PCDHA13: variants seen among roughly 807,000 people sequenced by gnomAD.
PCDHA13 encodes the protein protocadherin alpha-13.
A neutral mutation model predicts 64.8 loss-of-function variants in PCDHA13; 54 were observed. The ratio of observed to expected loss-of-function variants is 0.83; its 90% CI spans 0.67 to 1.04. PCDHA13 has a LOEUF of 1.04. Ranked by LOEUF, PCDHA13 falls within the 50% of genes least tolerant of loss-of-function variation. The pLI is 0.00. For missense variants in PCDHA13, 1,248 were observed against 1,254.3 expected (o/e 0.99, Z 0.08); for synonymous variants, 587 against 564.4 (o/e 1.04, Z -0.57).
At chr5:140,953,530 C>T (rs923959885) in intron 1 of PCDHA13, among the ~76,000 whole-genome samples, 3 of 152,158 alleles carry the variant, frequency 2.0e-5, no homozygotes, top group Admixed American at 6.5e-5. Context: ...ACGGGAAACT[C>T]ACTTCATGCT....
intron 1 of PCDHA13, chr5:140,968,523 A>G (rs1441549667): frequency 8.1e-6 from 13 of 1,613,762 alleles, no homozygotes; most frequent in African/African-American, 1.3e-5. Flanking sequence ...ACCTCAACCA[A>G]CTCGTCAGCA....
chr5:140,923,275 CA>C (rs1328074482), intron 1 of PCDHA13, among the ~76,000 whole-genome samples: 2 of 152,128 alleles, frequency 1.3e-5, no homozygotes, highest in Admixed American at 1.3e-4. Context: ...CTTGTCTCTA[CA>C]AAAAATTAAA....
At position 141,010,449 on chromosome 5, in the gene PCDHA13, C is replaced by T. The variant is rs764975082; in HGVS notation, c.*512C>T. ...CAAGAAAACAAAGACAAATAAACAG[C>T]GGAAGTTATCAGTATGGAGGGGAAG... On this transcript the variant is annotated 3_prime_UTR_variant, in exon 4 of 4. Coordinates refer to ENST00000289272, the MANE Select transcript of PCDHA13 (RefSeq NM_018904.3). 14 of 915,348 alleles carry T rather than the reference C, an allele frequency of 1.5e-5. No homozygotes were observed. Among genetic ancestry groups the T allele is most frequent in the Non-Finnish European group, 2.1e-5 (13 of 631,774 alleles). 56.7% of individuals were successfully genotyped at this position (915,348 alleles called of 1,614,324 possible).
intron 1 of PCDHA13, among the ~76,000 whole-genome samples, chr5:140,957,690 T>G (rs2095375856): frequency 6.6e-6 from 1 of 152,060 alleles, no homozygotes; most frequent in South Asian, 2.1e-4. Context: ...ATCTAGACAA[T>G]GAACATTATG....
chr5:140,928,510 A>T (rs782757628), intron 1 of PCDHA13: 1 of 1,614,166 alleles, frequency 6.2e-7, no homozygotes, highest in Non-Finnish European at 8.5e-7. Context: ...TGCAACAGTG[A>T]CTATAAACTT....
At chr5:140,976,992 A>G (rs1421149242) in intron 1 of PCDHA13, among the ~76,000 whole-genome samples, 3 of 152,200 alleles carry the variant, frequency 2.0e-5, no homozygotes, top group Admixed American at 2.0e-4. Context: ...TTACTGCCAT[A>G]AGAAATCTTG....
intron 3 of PCDHA13, among the ~76,000 whole-genome samples, chr5:140,993,462 T>TCTCA (rs1235362335): frequency 6.4e-5 from 9 of 140,938 alleles, no homozygotes; most frequent in African/African-American, 2.1e-4. Context: ...TCTTTCTTTC[T>TCTCA]CACACACACA....
In PCDHA13 at chr5:140,978,014, A is replaced by C. The variant is rs939579655; in HGVS notation, c.2395-935A>C. ...AGTGTCACAAGTTTTTCACAGTGAC[A>C]TTTTTGCTTACTGATACAAGACAGT... On this transcript the variant is annotated intron_variant, in intron 1 of 3. Transcript: ENST00000289272. Among the ~76,000 whole-genome samples, 9 of 152,256 alleles carry C rather than the reference A, an allele frequency of 5.9e-5. 1 individual carries two copies. The highest frequency in any genetic ancestry group is 2.2e-4 in the African/African-American group (9 of 41,540).
At chr5:141,008,382 A>G (rs1458485740) in intron 3 of PCDHA13, among the ~76,000 whole-genome samples, 1 of 152,166 alleles carries the variant, frequency 6.6e-6, no homozygotes, top group African/African-American at 2.4e-5. Flanking sequence ...ATACATAAAC[A>G]TTGCTATGAT....
intron 1 of PCDHA13, among the ~76,000 whole-genome samples, chr5:140,960,366 ACT>A (rs2095543381): frequency 6.6e-6 from 1 of 152,188 alleles, no homozygotes; most frequent in Non-Finnish European, 1.5e-5. Flanking sequence ...TAATATGCCA[ACT>A]CTTAAGTGCC....
chr5:141,001,324 C>G (rs1455380423), intron 3 of PCDHA13, among the ~76,000 whole-genome samples: 2 of 152,154 alleles, frequency 1.3e-5, no homozygotes, highest in Non-Finnish European at 1.5e-5. Flanking sequence ...TGCCAAACAT[C>G]ACCATAATTT....
chr5:140,977,541 G>A (rs1164108305), intron 1 of PCDHA13, among the ~76,000 whole-genome samples: 2 of 152,188 alleles, frequency 1.3e-5, no homozygotes, highest in Non-Finnish European at 2.9e-5. Context: ...GAAGCAGCTT[G>A]CATATGCATA....
intron 1 of PCDHA13, among the ~76,000 whole-genome samples, chr5:140,891,939 C>G (rs1475126639): frequency 3.3e-5 from 5 of 152,212 alleles, no homozygotes; most frequent in African/African-American, 1.2e-4. Flanking sequence ...TGGACTTCCC[C>G]TAGGCTCCAG....
At chr5:140,930,420 A>T (rs996872425) in intron 1 of PCDHA13, 2 of 151,962 alleles carry the variant, frequency 1.3e-5, no homozygotes, top group Non-Finnish European at 2.9e-5. Context: ...CAGGGGTCTC[A>T]CTATGTTGCC....
At chr5:140,937,328 C>T (rs191377007) in intron 1 of PCDHA13, among the ~76,000 whole-genome samples, 9 of 152,066 alleles carry the variant, frequency 5.9e-5, no homozygotes, top group Admixed American at 5.2e-4. Context: ...TGAGCCACCG[C>T]GCCCGGCTTC....
intron 1 of PCDHA13, among the ~76,000 whole-genome samples, chr5:140,963,268 T>C (rs1329086504): frequency 6.6e-6 from 1 of 152,042 alleles, no homozygotes; most frequent in African/African-American, 2.4e-5. Flanking sequence ...GACTTTGAAA[T>C]GTATGTAAGA....
At chr5:140,993,468 A>G (rs1327306188) in intron 3 of PCDHA13, among the ~76,000 whole-genome samples, 1 of 69,412 alleles carries the variant, frequency 1.4e-5, no homozygotes, top group African/African-American at 5.6e-5. Context: ...TTTCTCACAC[A>G]CACACACACA....
At chr5:140,896,672 C>T (rs912022786) in intron 1 of PCDHA13, among the ~76,000 whole-genome samples, 7 of 152,028 alleles carry the variant, frequency 4.6e-5, no homozygotes, top group Middle Eastern at 3.2e-3. Flanking sequence ...TCACTGTGCC[C>T]GGCCCTTTGC....
intron 1 of PCDHA13, among the ~76,000 whole-genome samples, chr5:140,921,612 TATC>T (rs2080294560): frequency 6.6e-6 from 1 of 152,158 alleles, no homozygotes; most frequent in Non-Finnish European, 1.5e-5. Flanking sequence ...ATAAGAAAAA[TATC>T]ATCAGATCAT....
Sources: gnomAD v4.1 joint callset for allele counts (sites outside exome capture counted in the v4.1 genomes callset) on GRCh38, gnomAD v4.1.1 for gene constraint, MANE v1.5 for transcripts, NCBI Gene and HGNC (gene_info 2026-07-23, HGNC 2026-07-21) for gene names.